Variants in ADAMTS12 observed in about 807,000 individuals in gnomAD.
The protein encoded by ADAMTS12 is ADAM metallopeptidase with thrombospondin type 1 motif 12.
Under a neutral mutation model 167.8 loss-of-function variants are expected in ADAMTS12, and 118 were observed. The observed-to-expected ratio is 0.70, with a 90% confidence interval of 0.61 to 0.82. The LOEUF (loss-of-function observed/expected upper bound fraction) is 0.82. ADAMTS12 is among the 40% of genes least tolerant of loss of function. ADAMTS12 has a pLI of 0.00. For synonymous variants in ADAMTS12, 704 were observed against 716.9 expected, an observed-to-expected ratio of 0.98 and a Z score of 0.29; for missense variants, 1,916 against 1,998.8, an observed-to-expected ratio of 0.96 and a Z score of 0.79.
intron 5 of ADAMTS12, among the ~76,000 whole-genome samples, chr5:33,662,281 T>C (rs532154169): frequency 1.3e-5 from 2 of 152,280 alleles, no homozygotes; most frequent in African/African-American, 4.8e-5. Flanking sequence ...AGACAGAAAT[T>C]ATCCCTGGGA....
At chr5:33,627,518 G>A (rs1296018305) in intron 13 of ADAMTS12, among the ~76,000 whole-genome samples, 1 of 151,932 alleles carries the variant, frequency 6.6e-6, no homozygotes, top group African/African-American at 2.4e-5. Context: ...TGGTGGTAGT[G>A]GTGGTGGTAT....
chr5:33,556,722 A>G (rs1745501931), intron 20 of ADAMTS12, among the ~76,000 whole-genome samples: 1 of 152,220 alleles, frequency 6.6e-6, no homozygotes, highest in African/African-American at 2.4e-5. Context: ...GTCCATCTGC[A>G]AAGATGGACA....
intron 18 of ADAMTS12, 112 bp downstream of exon 18, chr5:33,588,487 C>G: frequency 7.8e-7 from 1 of 1,280,320 alleles, no homozygotes; most frequent in Non-Finnish European, 1.1e-6. Context: ...GTGATGAACA[C>G]TGGCTATTTT....
At chr5:33,575,217 T>C (rs188352739) in intron 19 of ADAMTS12, among the ~76,000 whole-genome samples, 15 of 152,324 alleles carry the variant, frequency 9.8e-5, no homozygotes, top group Admixed American at 9.2e-4. Flanking sequence ...AAATCACTGA[T>C]ATGGCGAGCT....
At chr5:33,670,162 A>AAG (rs1741620624) in intron 5 of ADAMTS12, among the ~76,000 whole-genome samples, 1 of 151,830 alleles carries the variant, frequency 6.6e-6, no homozygotes, top group South Asian at 2.1e-4. Context: ...AACAATAAAA[A>AAG]AAAATAAGAA....
intron 21 of ADAMTS12, 41 bp downstream of exon 21, chr5:33,549,166 C>A: frequency 6.3e-7 from 1 of 1,594,306 alleles, no homozygotes; most frequent in South Asian, 1.1e-5. Flanking sequence ...CATGGCTTGC[C>A]AGGTTGTGTG....
intron 16 of ADAMTS12, among the ~76,000 whole-genome samples, chr5:33,609,510 A>G (rs549918212): frequency 6.6e-6 from 1 of 151,898 alleles, no homozygotes; most frequent in Non-Finnish European, 1.5e-5. Context: ...AGCTGGGACT[A>G]CAGGCGCCCA....
intron 14 of ADAMTS12, among the ~76,000 whole-genome samples, chr5:33,621,562 G>A (rs1349102168): frequency 1.3e-5 from 2 of 152,014 alleles, no homozygotes; most frequent in Non-Finnish European, 2.9e-5. Context: ...TTACTCACTG[G>A]CATATTTGGT....
intron 3 of ADAMTS12, among the ~76,000 whole-genome samples, chr5:33,708,313 A>T (rs1441020070): frequency 6.6e-6 from 1 of 152,190 alleles, no homozygotes; most frequent in Non-Finnish European, 1.5e-5. Flanking sequence ...ACCGGAGAGA[A>T]TGTGGAGAAT....
At chr5:33,709,254 A>G (rs7722460) in intron 3 of ADAMTS12, among the ~76,000 whole-genome samples, 151,816 of 152,310 alleles carry the variant, frequency 1, 75,667 homozygotes, top group Non-Finnish European at 1. Context: ...CACTGTTGGT[A>G]GGAATGTAAC....
chr5:33,682,880 G>A (rs1354359143), intron 5 of ADAMTS12, 138 bp downstream of exon 5: 1 of 645,794 alleles, frequency 1.5e-6, no homozygotes. Context: ...GAATAACACA[G>A]AAATAATATT....
intron 16 of ADAMTS12, among the ~76,000 whole-genome samples, chr5:33,608,668 A>G (rs928788656): frequency 6.6e-6 from 1 of 152,220 alleles, no homozygotes; most frequent in Admixed American, 6.5e-5. Context: ...CCAGAGGTAC[A>G]GACAAAGAAA....
At chr5:33,691,738 C>G (rs1338812256) in intron 3 of ADAMTS12, among the ~76,000 whole-genome samples, 2 of 152,224 alleles carry the variant, frequency 1.3e-5, no homozygotes, top group African/African-American at 2.4e-5. Context: ...CATGCTGGAA[C>G]TCCGTGTCTA....
In ADAMTS12 at chr5:33,889,825, G is replaced by A. The variant is rs147726504; in HGVS notation, c.127+1905C>T. On this transcript the variant is annotated intron_variant, in intron 1 of 23. Coordinates refer to ENST00000504830, the MANE Select transcript of ADAMTS12 (RefSeq NM_030955.4). ...AAATTAGCCGGGCATGGTGGCACAC[G>A]TCTGTAATCCCAGGTACTTGGTTGG... Among the ~76,000 whole-genome samples the A allele has an allele frequency of 3.5e-3, 530 of 152,206 alleles. 6 individuals are homozygous for A. Among genetic ancestry groups the A allele is most frequent in the African/African-American group, 0.012 (513 of 41,506 alleles).
At chr5:33,802,057 C>G (rs1747032410) in intron 2 of ADAMTS12, among the ~76,000 whole-genome samples, 1 of 152,196 alleles carries the variant, frequency 6.6e-6, no homozygotes, top group Non-Finnish European at 1.5e-5. Flanking sequence ...GAGCTGCCTT[C>G]CCATTCTACC....
At chr5:33,798,434 C>CT (rs3037113) in intron 2 of ADAMTS12, among the ~76,000 whole-genome samples, 865 of 69,098 alleles carry the variant, frequency 0.013, 9 homozygotes, top group East Asian at 0.068. Context: ...TTCTTTGTAT[C>CT]TTTTTTTTTT....
Position 33,539,128 on chromosome 5 carries a change from G to C in ADAMTS12, c.4447-4136C>G, listed in dbSNP as rs184992979. Among the ~76,000 whole-genome samples the C allele has an allele frequency of 3.0e-4, 46 of 152,186 alleles. 1 individual carries two copies. Among genetic ancestry groups the C allele is most frequent in the Admixed American group, 2.6e-3 (39 of 15,288 alleles). On this transcript the variant is annotated intron_variant, in intron 22 of 23. Coordinates refer to ENST00000504830, the MANE Select transcript of ADAMTS12 (RefSeq NM_030955.4). ...GACTAATTTTTTTATTTTTAGTAGAGATGAGATTTCACCCTGTTGGCCAGG... is the reference window on the plus strand; with the variant it reads ...GACTAATTTTTTTATTTTTAGTAGACATGAGATTTCACCCTGTTGGCCAGG...
At chr5:33,819,327 A>G (rs1747785967) in intron 2 of ADAMTS12, among the ~76,000 whole-genome samples, 1 of 152,100 alleles carries the variant, frequency 6.6e-6, no homozygotes, top group South Asian at 2.1e-4. Flanking sequence ...CATTTATTTA[A>G]GAGACTATTC....
At chr5:33,872,357 A>G (rs1219030267) in intron 2 of ADAMTS12, among the ~76,000 whole-genome samples, 1 of 152,124 alleles carries the variant, frequency 6.6e-6, no homozygotes, top group Non-Finnish European at 1.5e-5. Flanking sequence ...CAGCCTGGCC[A>G]ATATGGTGAA....
Sources: gnomAD v4.1 joint callset for allele counts (sites outside exome capture counted in the v4.1 genomes callset) on GRCh38, gnomAD v4.1.1 for gene constraint, MANE v1.5 for transcripts, NCBI Gene and HGNC (gene_info 2026-07-23, HGNC 2026-07-21) for gene names.